The following ITGB3 variants were observed in gnomAD, a reference collection of about 807,000 sequenced individuals.
ITGB3 encodes the protein integrin subunit beta 3, also known as integrin beta-3.
ITGB3 carries 48 observed loss-of-function variants against 85.8 expected under a neutral mutation model. That is an observed-to-expected ratio of 0.56 (90% confidence interval 0.44 to 0.71). The LOEUF (loss-of-function observed/expected upper bound fraction) is 0.71. ITGB3 is among the 30% of genes least tolerant of loss of function. ITGB3 has a pLI of 0.00. For missense variants in ITGB3, 861 were observed against 1,019.1 expected (o/e 0.84, Z 2.11); for synonymous variants, 363 against 395.6 (o/e 0.92, Z 0.98).
intron 7 of ITGB3, 25 bp downstream of exon 7, chr17:47,289,801 G>T (rs770724365): frequency 1.3e-5 from 21 of 1,560,090 alleles, no homozygotes; most frequent in Non-Finnish European, 1.8e-5. Context: ...GGGCTTCCTG[G>T]AGTGGGCCCT....
At chr17:47,256,200 T>A (rs945584524) in intron 1 of ITGB3, among the ~76,000 whole-genome samples, 2 of 152,112 alleles carry the variant, frequency 1.3e-5, no homozygotes, top group Non-Finnish European at 2.9e-5. Flanking sequence ...GCACGGTGGC[T>A]CACGCCTGTA....
chr17:47,286,476 A>G (rs1421060289), intron 5 of ITGB3, 54 bp downstream of exon 5: 2 of 1,603,272 alleles, frequency 1.2e-6, no homozygotes, highest in Non-Finnish European at 1.7e-6. Context: ...TCAAAATGGG[A>G]AAGGAAGTGA....
At position 47,299,118 on chromosome 17, in the gene ITGB3, C is replaced by A. The variant is rs560173519; in HGVS notation, c.1691-190C>A. On this transcript the variant is annotated intron_variant, in intron 10 of 14. Coordinates refer to ENST00000559488, the MANE Select transcript of ITGB3 (RefSeq NM_000212.3). This position sits in a 1 kb window ranked among gnomAD's most constrained non-coding sequence, Gnocchi z 5.1. ...GTGGCTCCGAGCAAGTCCTGCCATA[C>A]CTTGGGACCCCTAGAAAACTGAGTT... is the stretch of plus-strand genomic sequence containing the variant. Among the ~76,000 whole-genome samples the A allele has an allele frequency of 2.6e-5, 4 of 152,316 alleles. No individual in the cohort carries two copies. In the East Asian group the frequency reaches 5.8e-4, roughly 22 times the overall value.
intron 1 of ITGB3, among the ~76,000 whole-genome samples, chr17:47,272,377 T>C (rs118136058): frequency 0.041 from 6,195 of 152,168 alleles, 184 homozygotes; most frequent in Middle Eastern, 0.16. Flanking sequence ...AAGAATAATA[T>C]ACATTGTTCT....
At chr17:47,268,197 ACAATT>A (rs1162202029) in intron 1 of ITGB3, among the ~76,000 whole-genome samples, 3 of 152,114 alleles carry the variant, frequency 2.0e-5, no homozygotes, top group Non-Finnish European at 4.4e-5. Flanking sequence ...TGTGGGAACT[ACAATT>A]CAAGAGGAGA....
At chr17:47,280,606 G>C (rs1352277609) in intron 2 of ITGB3, among the ~76,000 whole-genome samples, 3 of 152,158 alleles carry the variant, frequency 2.0e-5, no homozygotes, top group Non-Finnish European at 4.4e-5. Flanking sequence ...ATCCACCCGT[G>C]TCGGCCTCCC....
chr17:47,287,262 A>G (rs768006536), intron 6 of ITGB3, 31 bp downstream of exon 6: 2 of 1,612,136 alleles, frequency 1.2e-6, no homozygotes, highest in South Asian at 2.2e-5. Context: ...TATGGTTTCT[A>G]TTCATGATTG....
chr17:47,270,636 A>C (rs1050873625), intron 1 of ITGB3, among the ~76,000 whole-genome samples: 1 of 152,210 alleles, frequency 6.6e-6, no homozygotes. Flanking sequence ...CTTGGAACCA[A>C]TGTCATCATT....
chr17:47,259,454 A>G (rs2065001667), intron 1 of ITGB3: 1 of 152,054 alleles, frequency 6.6e-6, no homozygotes, highest in African/African-American at 2.4e-5. Flanking sequence ...TCATGTTCCC[A>G]TGAAAAGACT....
chr17:47,280,764 C>G (rs190262359), intron 2 of ITGB3, among the ~76,000 whole-genome samples: 2 of 152,214 alleles, frequency 1.3e-5, no homozygotes, highest in African/African-American at 2.4e-5. Flanking sequence ...GTCATCCATC[C>G]TTCTCCATCC....
At chr17:47,254,144 C>T (rs1030307054) in intron 1 of ITGB3, among the ~76,000 whole-genome samples, 1 of 152,128 alleles carries the variant, frequency 6.6e-6, no homozygotes, top group Admixed American at 6.5e-5. Flanking sequence ...TGCCTGGTGC[C>T]TGGGAGCGGG....
chr17:47,269,026 G>T (rs1470916068), intron 1 of ITGB3, among the ~76,000 whole-genome samples: 4 of 150,474 alleles, frequency 2.7e-5, no homozygotes, highest in African/African-American at 9.7e-5. Flanking sequence ...AGCTGCCAAG[G>T]CTTGGGGCTT....
At chr17:47,303,731 C>G (rs774920666) in intron 13 of ITGB3, 1 of 152,262 alleles carries the variant, frequency 6.6e-6, no homozygotes, top group Non-Finnish European at 1.5e-5. Flanking sequence ...TGTCACCAAC[C>G]AATGCTGTCG....
chr17:47,280,250 G>A (rs1367940529), intron 2 of ITGB3, among the ~76,000 whole-genome samples: 3 of 152,194 alleles, frequency 2.0e-5, no homozygotes, highest in Non-Finnish European at 2.9e-5. Context: ...GATGTTGCTC[G>A]TGTCCCCATC....
intron 1 of ITGB3, 86 bp downstream of exon 1, chr17:47,254,026 G>A: frequency 1.1e-6 from 1 of 896,264 alleles, no homozygotes; most frequent in African/African-American, 1.8e-5. Flanking sequence ...CGGCAAACGC[G>A]GAGGGCTGGT....
intron 6 of ITGB3, among the ~76,000 whole-genome samples, 183 bp from the exon 7 acceptor site, chr17:47,289,498 A>AT (rs990651050): frequency 1.4e-4 from 22 of 151,964 alleles, no homozygotes; most frequent in Non-Finnish European, 2.6e-4. Context: ...AATAAAAAAA[A>AT]TTTTTTTGTA....
chr17:47,264,247 G>A (rs577247973), intron 1 of ITGB3, among the ~76,000 whole-genome samples: 1 of 152,242 alleles, frequency 6.6e-6, no homozygotes, highest in African/African-American at 2.4e-5. Context: ...TGGCAGCTTT[G>A]CTCTGTTTAA....
At chr17:47,293,306 C>T (rs1183875087) in intron 10 of ITGB3, among the ~76,000 whole-genome samples, 2 of 152,148 alleles carry the variant, frequency 1.3e-5, no homozygotes, top group African/African-American at 4.8e-5. Context: ...TAATCTCAAA[C>T]TAGTTTCTCC....
Position 47,299,418 on chromosome 17 carries a change from T to A in ITGB3, c.1801T>A (p.Cys601Ser), listed in dbSNP as rs747534508. 2.5e-6 allele frequency: 4 copies of A among 1,614,122 alleles called. No homozygotes were observed. Among genetic ancestry groups the A allele is most frequent in the Non-Finnish European group, 3.4e-6 (4 of 1,180,036 alleles). The change falls in exon 11 of 15, where the codon TGC (cysteine) becomes AGC (serine). Residue 601 changes from cysteine to serine, a missense_variant. Transcript: ENST00000559488. The surrounding 1 kb of genome is among the most constrained non-coding windows in gnomAD (Gnocchi z 5.1). ...DTCMSSNGLL[C>S]SGRGKCECGS... ...CTGCATGTCCAGCAATGGGCTGCTG[T>A]GCAGCGGCCGCGGCAAGTGTGAATG... is the stretch of plus-strand genomic sequence containing the variant.
Sources: allele counts gnomAD v4.1 joint callset (sites outside exome capture counted in the v4.1 genomes callset), GRCh38; gene constraint gnomAD v4.1.1; non-coding constraint Gnocchi (gnomAD v3.1); transcripts MANE v1.5; gene names NCBI Gene and HGNC (gene_info 2026-07-23, HGNC 2026-07-21).